Variants in WWOX observed in about 807,000 individuals in gnomAD.
WWOX encodes WW domain-containing oxidoreductase.
A neutral mutation model predicts 46.2 loss-of-function variants in WWOX; 69 were observed. That is an observed-to-expected ratio of 1.49 (90% CI 1.23 to 1.82). WWOX has a LOEUF of 1.82. Among genes scored for constraint, WWOX ranks in the 40% most tolerant of loss-of-function variants. The probability of loss-of-function intolerance (pLI) is 0.00; values close to 1 mark genes in which losing one functional copy is unlikely to be tolerated. For synonymous variants in WWOX, 359 were observed against 202.6 expected (o/e 1.77, Z -6.56); for missense variants, 919 against 542.6 (o/e 1.69, Z -6.89).
intron 5 of WWOX, among the ~76,000 whole-genome samples, chr16:78,370,691 A>T: frequency 6.9e-6 from 1 of 144,198 alleles, no homozygotes; most frequent in Non-Finnish European, 1.5e-5. Context: ...ATAACTGATT[A>T]TTTTTCTTGG....
chr16:79,157,663 A>C (rs549400132), intron 8 of WWOX, among the ~76,000 whole-genome samples: 1 of 152,200 alleles, frequency 6.6e-6, no homozygotes, highest in Non-Finnish European at 1.5e-5. Context: ...TCAGGAGACA[A>C]TGACCACTGA....
chr16:78,110,238 G>A (rs2032410635), intron 3 of WWOX, among the ~76,000 whole-genome samples: 1 of 151,370 alleles, frequency 6.6e-6, no homozygotes, highest in Non-Finnish European at 1.5e-5. Context: ...TACTCGGGAG[G>A]GTAAGGCGGG....
intron 8 of WWOX, among the ~76,000 whole-genome samples, chr16:78,678,863 T>A (rs559132974): frequency 6.6e-6 from 1 of 152,284 alleles, no homozygotes; most frequent in Admixed American, 6.5e-5. Context: ...CTTCCCAGTT[T>A]ACTCTGGAGA....
intron 8 of WWOX, among the ~76,000 whole-genome samples, chr16:78,645,875 C>G (rs1567460525): frequency 6.6e-6 from 1 of 152,132 alleles, no homozygotes; most frequent in African/African-American, 2.4e-5. Flanking sequence ...TTTGTTCTGA[C>G]TTTTTCGATT....
chr16:78,235,016 G>A (rs1035530), intron 5 of WWOX, among the ~76,000 whole-genome samples: 58,575 of 151,582 alleles, frequency 0.39, 11,757 homozygotes, highest in Admixed American at 0.54. Flanking sequence ...AGGTGGGGGA[G>A]AGGAAAAAGA....
chr16:78,754,966 C>G (rs1025039044), intron 8 of WWOX, among the ~76,000 whole-genome samples: 1 of 147,842 alleles, frequency 6.8e-6, no homozygotes, highest in African/African-American at 2.5e-5. Flanking sequence ...GCCATTTATA[C>G]TATTAAAAGA....
chr16:78,236,559 TC>T (rs2037445527), intron 5 of WWOX, among the ~76,000 whole-genome samples: 1 of 152,206 alleles, frequency 6.6e-6, no homozygotes, highest in Non-Finnish European at 1.5e-5. Context: ...TCTGTAATCA[TC>T]TTTCCCCATT....
At chr16:78,392,296 T>C (rs1010443142) in intron 6 of WWOX, among the ~76,000 whole-genome samples, 12 of 152,120 alleles carry the variant, frequency 7.9e-5, no homozygotes, top group African/African-American at 2.9e-4. Context: ...GCAAGGGATC[T>C]AGGCTGCATG....
At chr16:78,564,304 G>C (rs957658236) in intron 8 of WWOX, among the ~76,000 whole-genome samples, 6 of 152,230 alleles carry the variant, frequency 3.9e-5, no homozygotes, top group African/African-American at 1.4e-4. Context: ...AAAATGTGTA[G>C]TGTTTGCCCT....
At chr16:78,602,434 A>T (rs370766500) in intron 8 of WWOX, among the ~76,000 whole-genome samples, 10 of 152,204 alleles carry the variant, frequency 6.6e-5, no homozygotes, top group African/African-American at 2.2e-4. Context: ...GGGTTTCACT[A>T]TATTGGCCAG....
chr16:78,101,960 T>C (rs1239732023), intron 1 of WWOX, among the ~76,000 whole-genome samples: 3 of 151,922 alleles, frequency 2.0e-5, no homozygotes, highest in Non-Finnish European at 4.4e-5. Context: ...GTGTAGGTAG[T>C]TGGGGGGGTC....
intron 8 of WWOX, among the ~76,000 whole-genome samples, chr16:78,804,926 C>T (rs1489478863): frequency 6.6e-6 from 1 of 152,210 alleles, no homozygotes; most frequent in South Asian, 2.1e-4. Context: ...ACTAACAATT[C>T]CTGAAAGATT....
intron 8 of WWOX, among the ~76,000 whole-genome samples, chr16:78,810,821 AAAG>A (rs2051169312): frequency 3.3e-5 from 5 of 152,226 alleles, no homozygotes; most frequent in Admixed American, 3.3e-4. Flanking sequence ...ACTCCCTAAA[AAAG>A]ACAAATGACA....
At chr16:78,546,153 C>G (rs2151534976) in intron 8 of WWOX, among the ~76,000 whole-genome samples, 1 of 152,238 alleles carries the variant, frequency 6.6e-6, no homozygotes, top group South Asian at 2.1e-4. Flanking sequence ...TAATTAATCA[C>G]AAAAAGCTAA....
chr16:78,309,345 T>G (rs1346368658), intron 5 of WWOX, among the ~76,000 whole-genome samples: 2 of 152,192 alleles, frequency 1.3e-5, no homozygotes, highest in Non-Finnish European at 2.9e-5. Context: ...ATAAGTTTCT[T>G]GAGGCCTCCC....
At chr16:78,246,483 C>G (rs2037819351) in intron 5 of WWOX, among the ~76,000 whole-genome samples, 1 of 152,100 alleles carries the variant, frequency 6.6e-6, no homozygotes, top group Non-Finnish European at 1.5e-5. Flanking sequence ...AAACAGTTAA[C>G]AGGAAGCCCA....
chr16:78,136,768 G>C (rs1295237628), intron 4 of WWOX, among the ~76,000 whole-genome samples: 2 of 152,154 alleles, frequency 1.3e-5, no homozygotes, highest in Non-Finnish European at 2.9e-5. Context: ...TTAGGCAAAT[G>C]GAAGACCAAA....
At chr16:78,372,613 A>G (rs74555460) in intron 5 of WWOX, among the ~76,000 whole-genome samples, 1,916 of 152,102 alleles carry the variant, frequency 0.013, 38 homozygotes, top group African/African-American at 0.043. Flanking sequence ...GAGAAGGGTT[A>G]CTCTCCTTAG....
At chr16:78,821,943 C>A (rs1158271389) in intron 8 of WWOX, among the ~76,000 whole-genome samples, 1 of 152,152 alleles carries the variant, frequency 6.6e-6, no homozygotes, top group Non-Finnish European at 1.5e-5. Flanking sequence ...GCTGTGGCAT[C>A]TTAGCTCACA....
Sources: gnomAD v4.1 joint callset for allele counts (sites outside exome capture counted in the v4.1 genomes callset) on GRCh38, gnomAD v4.1.1 for gene constraint, MANE v1.5 for transcripts, NCBI Gene and HGNC (gene_info 2026-07-23, HGNC 2026-07-21) for gene names.